Variants in NECAB2 observed in about 807,000 individuals in gnomAD.
The protein encoded by NECAB2 is N-terminal EF-hand calcium binding protein 2.
Under a neutral mutation model 51.9 loss-of-function variants are expected in NECAB2, and 68 were observed. The ratio of observed to expected loss-of-function variants is 1.31; its 90% CI spans 1.08 to 1.60. The LOEUF is 1.60. Among genes scored for constraint, NECAB2 ranks in the 40% most tolerant of loss-of-function variants. The pLI, the probability that NECAB2 is intolerant of heterozygous loss-of-function variation, is 0.00. For synonymous variants in NECAB2, 329 were observed against 203.5 expected (o/e 1.62, Z -5.25); for missense variants, 854 against 490.3 (o/e 1.74, Z -7.00).
intron 1 of NECAB2, 56 bp from the exon 2 acceptor site, chr16:83,972,095 C>A: frequency 6.2e-7 from 1 of 1,608,454 alleles, no homozygotes; most frequent in Non-Finnish European, 8.5e-7. Flanking sequence ...TCAGAGGCTG[C>A]AGGAAGCGCT....
chr16:83,997,750 C>T (rs1047513541), intron 9 of NECAB2, among the ~76,000 whole-genome samples: 1 of 152,032 alleles, frequency 6.6e-6, no homozygotes, highest in African/African-American at 2.4e-5. Context: ...ACCTTGGCCT[C>T]CTAAAGTGCT....
In NECAB2 at chr16:83,997,242, C is replaced by G. The variant is rs778432334; in HGVS notation, c.822C>G (p.Arg274=). The G allele has an allele frequency of 5.0e-6, 8 of 1,614,012 alleles. No individual in the cohort carries two copies. The African/African-American group carries it at 8.0e-5, about 16-fold the overall frequency. The change falls in exon 9 of 13, where the codon CGC becomes CGG. Residue 274 remains arginine, a synonymous_variant. Transcript: ENST00000305202. ...SKALWFDLQQ[R]LSDEDGTNMH... ...CACTGTGGTTCGACCTGCAGCAGCG[C>G]CTGTCAGATGAAGATGGCACCAACA...
intron 5 of NECAB2, among the ~76,000 whole-genome samples, chr16:83,989,798 AGAGCAAAACTTG>A (rs765449752): frequency 6.6e-6 from 1 of 152,204 alleles, no homozygotes; most frequent in Non-Finnish European, 1.5e-5. Context: ...TCCACACCAC[AGAGCAAAACTTG>A]GAAAAAACTT....
At chr16:84,002,231 C>T in intron 12 of NECAB2, 87 bp from the exon 13 acceptor site, 1 of 1,514,414 alleles carries the variant, frequency 6.6e-7, no homozygotes, top group Non-Finnish European at 9.2e-7. Context: ...AAGCCATCCC[C>T]CGACCTGTCA....
chr16:83,988,324 A>C (rs1201098515), intron 5 of NECAB2, among the ~76,000 whole-genome samples: 1 of 152,106 alleles, frequency 6.6e-6, no homozygotes, highest in Admixed American at 6.5e-5. Context: ...TATGATTTGG[A>C]ATGTACAATT....
Position 83,990,557 on chromosome 16 carries a change from A to T in NECAB2, c.523A>T (p.Asn175Tyr), listed in dbSNP as rs1287633623. 6.2e-7 allele frequency: 1 copy of T among 1,614,174 alleles called. No individual in the cohort carries two copies. ...VTRFLLKETA[N>Y]QIQSLLSSVE... The stretch of plus-strand genomic sequence containing the variant: ...CCGCTTCCTCCTGAAGGAGACGGCC[A>T]ATCAGATCCAGTCGCTGCTGAGCTC... Residue 175 changes from asparagine to tyrosine, a missense_variant, in exon 6 of 13, where the codon AAT becomes TAT. Asn to Tyr is a moderately radical substitution (Grantham distance 143). Transcript: ENST00000305202.
At chr16:83,986,073 A>G (rs548615576) in intron 5 of NECAB2, among the ~76,000 whole-genome samples, 29 of 152,054 alleles carry the variant, frequency 1.9e-4, no homozygotes, top group African/African-American at 6.0e-4. Flanking sequence ...CCAGAGTACA[A>G]TGGAGTGATC....
intron 1 of NECAB2, among the ~76,000 whole-genome samples, chr16:83,969,425 C>G (rs920967246): frequency 6.6e-6 from 1 of 152,090 alleles, no homozygotes; most frequent in Admixed American, 6.6e-5. Context: ...TCCATTGAGC[C>G]AGAGCCATCG....
intron 10 of NECAB2, among the ~76,000 whole-genome samples, chr16:83,999,835 G>A (rs1032633476): frequency 3.3e-5 from 5 of 152,056 alleles, no homozygotes; most frequent in East Asian, 3.9e-4. Context: ...GAGAGGACAA[G>A]TAGAAGGAAG....
In NECAB2 at chr16:83,978,558, C is replaced by T. The variant is rs373991205; in HGVS notation, c.335+6C>T. On this transcript the variant is annotated splice_donor_region_variant and intron_variant, in intron 3 of 12. Coordinates refer to ENST00000305202, the MANE Select transcript of NECAB2 (RefSeq NM_019065.3). Reference sequence around the variant, plus strand: ...ATTGACTCTGACAACACCAAGTGAGCTTCAGTCCTGGCTGGCAGAGTGGGG... The same window carrying T: ...ATTGACTCTGACAACACCAAGTGAGTTTCAGTCCTGGCTGGCAGAGTGGGG... 1.2e-6 allele frequency: 2 copies of T among 1,608,792 alleles called. No homozygotes were observed. The highest frequency in any genetic ancestry group is 1.3e-5 in the African/African-American group (1 of 74,570).
chr16:83,965,360 C>A (rs923428373), upstream of NECAB2: 5 of 1,571,898 alleles, frequency 3.2e-6, no homozygotes, highest in African/African-American at 6.7e-5. Context: ...GGAGGCCCTG[C>A]CCTTCATCCA....
intron 5 of NECAB2, among the ~76,000 whole-genome samples, chr16:83,986,331 A>T (rs2084554746): frequency 1.3e-5 from 2 of 152,208 alleles, no homozygotes; most frequent in African/African-American, 4.8e-5. Flanking sequence ...GATTTTCTCT[A>T]ACTCAATATG....
chr16:83,999,432 T>G (rs1392519998), intron 10 of NECAB2, among the ~76,000 whole-genome samples: 1 of 152,022 alleles, frequency 6.6e-6, no homozygotes, highest in Non-Finnish European at 1.5e-5. Context: ...GGCTCTGGTT[T>G]GTCGAGTTGG....
chr16:83,978,358 A>C, intron 2 of NECAB2, 86 bp from the exon 3 acceptor site: 1 of 1,016,614 alleles, frequency 9.8e-7, no homozygotes, highest in East Asian at 2.4e-5. Flanking sequence ...CAGGCCATTG[A>C]CTGGATTTGG....
intron 8 of NECAB2, among the ~76,000 whole-genome samples, chr16:83,996,388 T>C (rs1055995827): frequency 6.6e-6 from 1 of 152,180 alleles, no homozygotes; most frequent in Non-Finnish European, 1.5e-5. Context: ...GCAAGGTCCC[T>C]TGCTCAAACA....
intron 2 of NECAB2, among the ~76,000 whole-genome samples, chr16:83,973,423 C>T (rs912281452): frequency 6.6e-5 from 10 of 152,192 alleles, no homozygotes; most frequent in African/African-American, 2.4e-4. Context: ...ACCCTGGCCT[C>T]CTGCATCCCT....
intron 5 of NECAB2, among the ~76,000 whole-genome samples, chr16:83,983,428 C>G (rs142603432): frequency 4.6e-5 from 7 of 152,238 alleles, no homozygotes; most frequent in East Asian, 3.9e-4. Context: ...GAGTGCATCT[C>G]TAGTACTTCT....
At chr16:83,981,203 G>GTCTTCAAAAATCCA in intron 5 of NECAB2, 76 bp downstream of exon 5, 1 of 1,396,806 alleles carries the variant, frequency 7.2e-7, no homozygotes, top group Non-Finnish European at 1.0e-6. Flanking sequence ...AAGGATGCCT[G>GTCTTCAAAAATCCA]GATTTTTGAA....
At chr16:84,000,326 T>TA (rs1555549892) in intron 10 of NECAB2, among the ~76,000 whole-genome samples, 3 of 149,770 alleles carry the variant, frequency 2.0e-5, no homozygotes, top group African/African-American at 5.1e-5. Flanking sequence ...GCCCAGGAGT[T>TA]AAAGACCAGC....
Sources: gnomAD v4.1 joint callset for allele counts (sites outside exome capture counted in the v4.1 genomes callset) on GRCh38, gnomAD v4.1.1 for gene constraint, MANE v1.5 for transcripts, NCBI Gene and HGNC (gene_info 2026-07-23, HGNC 2026-07-21) for gene names.